The following PDE4D variants were observed in gnomAD, a reference collection of about 807,000 sequenced individuals.
PDE4D encodes the protein phosphodiesterase 4D.
PDE4D carries 24 observed loss-of-function variants against 87.4 expected under a neutral mutation model. That is an observed-to-expected ratio of 0.27 (90% CI 0.20 to 0.39). The LOEUF (loss-of-function observed/expected upper bound fraction) is 0.39, where lower values mean the gene tolerates loss of function less well. PDE4D is among the 10% of genes least tolerant of loss of function. PDE4D has a pLI of 1.00. For synonymous variants in PDE4D, 384 were observed against 383.2 expected (o/e 1.00, Z -0.02); for missense variants, 714 against 1,041.0 (o/e 0.69, Z 4.32).
At chr5:60,090,065 C>T (rs1774967508) in intron 2 of PDE4D, among the ~76,000 whole-genome samples, 1 of 152,076 alleles carries the variant, frequency 6.6e-6, no homozygotes. Context: ...CTGACAGCTT[C>T]ACTGCTGAAT....
At chr5:59,902,715 G>A (rs1003411076) in intron 3 of PDE4D, among the ~76,000 whole-genome samples, 4 of 152,158 alleles carry the variant, frequency 2.6e-5, no homozygotes, top group South Asian at 4.1e-4. Flanking sequence ...ACCAGCAGAA[G>A]AGATGGAAAC....
In PDE4D at chr5:59,294,681, A is replaced by C. The variant is rs569899903; in HGVS notation, c.456-78713T>G. Among the ~76,000 whole-genome samples the C allele has an allele frequency of 3.9e-5, 6 of 152,298 alleles. No individual in the cohort carries two copies. The South Asian group carries it at 1.2e-3, about 32-fold the overall frequency. On this transcript the variant is annotated intron_variant, in intron 1 of 14. Coordinates refer to ENST00000340635, the MANE Select transcript of PDE4D (RefSeq NM_001104631.2). ...GGTAAAATACTTGAAAGAACAATGC[A>C]CGCAGTCACGGACTCAATAGATGTT...
chr5:59,921,084 T>C (rs562270475), intron 3 of PDE4D, among the ~76,000 whole-genome samples: 85 of 152,312 alleles, frequency 5.6e-4, no homozygotes, highest in Non-Finnish European at 7.1e-4. Context: ...ATGCTAAGAA[T>C]AGTACCTGCC....
chr5:59,679,045 G>T (rs1042183130), intron 1 of PDE4D, among the ~76,000 whole-genome samples: 2 of 152,108 alleles, frequency 1.3e-5, no homozygotes, highest in Non-Finnish European at 2.9e-5. Flanking sequence ...AGAAGACTTA[G>T]AGACAGTCTT....
rs148581044 is a variant in PDE4D, at chr5:60,298,464, G to T, written c.-89-112777C>A. ...TATGCAACTGAAAATTACACACAGAGAATATTTAAGTCATGACTATGGAAA... is the reference window on the plus strand; with the variant it reads ...TATGCAACTGAAAATTACACACAGATAATATTTAAGTCATGACTATGGAAA... On this transcript the variant is annotated intron_variant, in intron 1 of 16. Transcript: ENST00000502484. Among the ~76,000 whole-genome samples the T allele has an allele frequency of 9.2e-3, 1,404 of 152,228 alleles. 28 individuals are homozygous for T. Among genetic ancestry groups the T allele is most frequent in the African/African-American group, 0.032 (1,310 of 41,544 alleles).
At chr5:59,493,141 ACT>A (rs1806527103) in intron 1 of PDE4D, among the ~76,000 whole-genome samples, 1 of 152,088 alleles carries the variant, frequency 6.6e-6, no homozygotes, top group Non-Finnish European at 1.5e-5. Flanking sequence ...TTGGTACCAA[ACT>A]CTGAGTTTTT....
intron 1 of PDE4D, among the ~76,000 whole-genome samples, chr5:59,286,230 C>A (rs984348400): frequency 8.5e-5 from 13 of 152,142 alleles, no homozygotes; most frequent in African/African-American, 3.1e-4. Flanking sequence ...TGATTGCTCA[C>A]CATGTGCCAG....
chr5:59,847,959 T>G (rs1217069638), intron 1 of PDE4D, among the ~76,000 whole-genome samples: 1 of 152,120 alleles, frequency 6.6e-6, no homozygotes, highest in African/African-American at 2.4e-5. Flanking sequence ...TATTTCATTA[T>G]GTTTCTTATT....
chr5:59,789,365 C>G (rs528009976), intron 1 of PDE4D, among the ~76,000 whole-genome samples: 1 of 152,180 alleles, frequency 6.6e-6, no homozygotes, highest in Non-Finnish European at 1.5e-5. Context: ...AGGCAATATG[C>G]GTTATGTCAT....
At chr5:59,199,806 G>A (rs776043170) in intron 2 of PDE4D, among the ~76,000 whole-genome samples, 9 of 151,794 alleles carry the variant, frequency 5.9e-5, no homozygotes, top group Non-Finnish European at 1.2e-4. Context: ...AACATATAAT[G>A]TAACCTACTT....
At chr5:59,101,243 C>G (rs1008785842) in intron 5 of PDE4D, among the ~76,000 whole-genome samples, 1 of 152,162 alleles carries the variant, frequency 6.6e-6, no homozygotes, top group Non-Finnish European at 1.5e-5. Flanking sequence ...TGGGACTGCC[C>G]TTTTTCATCC....
chr5:59,929,731 A>G (rs1755685493), intron 3 of PDE4D, among the ~76,000 whole-genome samples: 1 of 152,174 alleles, frequency 6.6e-6, no homozygotes, highest in Non-Finnish European at 1.5e-5. Context: ...TTTCTAACAC[A>G]GCATCTTAAT....
chr5:59,016,423 T>G (rs1189176777), intron 6 of PDE4D, among the ~76,000 whole-genome samples: 2 of 134,186 alleles, frequency 1.5e-5, no homozygotes, highest in African/African-American at 5.5e-5. Context: ...ATGTAGTCCA[T>G]AGGAATCTGC....
rs139551460 is a variant in PDE4D, at chr5:59,665,139, G to C, written c.455+228029C>G. Among the ~76,000 whole-genome samples, 168 of 152,250 alleles carry C rather than the reference G, an allele frequency of 1.1e-3. 4 individuals carry two copies. In the East Asian group the frequency reaches 0.029, roughly 26 times the overall value. ...ACTGATTGTCTTCCTAGGGTCTCCT[G>C]GGGTAGCAACAGTCAATTTGCCACA... is the stretch of plus-strand genomic sequence containing the variant. On this transcript the variant is annotated intron_variant, in intron 1 of 14. Transcript: ENST00000340635.
chr5:59,720,051 C>T lies in PDE4D; in HGVS notation c.455+173117G>A, dbSNP rs1755606612. 2.0e-5 allele frequency among the ~76,000 whole-genome samples: 3 copies of T among 152,264 alleles called. No homozygotes were observed. The South Asian group carries it at 6.2e-4, about 32-fold the overall frequency. On this transcript the variant is annotated intron_variant, in intron 1 of 14. Coordinates refer to ENST00000340635, the MANE Select transcript of PDE4D (RefSeq NM_001104631.2). ...TCTGTAAATGCTATGTTTATTCTCC[C>T]TTCTGAAGCTGTTTCTTCCACTCTG...
At chr5:59,646,472 A>G (rs1366453689) in intron 1 of PDE4D, among the ~76,000 whole-genome samples, 1 of 152,226 alleles carries the variant, frequency 6.6e-6, no homozygotes, top group African/African-American at 2.4e-5. Flanking sequence ...TTGATAAAAC[A>G]ATGTATCTTT....
At position 60,205,160 on chromosome 5, in the gene PDE4D, C is replaced by T. The variant is rs138320270; in HGVS notation, c.-89-19473G>A. On this transcript the variant is annotated intron_variant, in intron 1 of 16. Coordinates refer to the PDE4D transcript ENST00000502484. ...GCTCAAAGGCTAGGTCCGCTGTCAG[C>T]TGCCAGGCCTACTTGAGCCCAGCTT... 5.5e-3 allele frequency among the ~76,000 whole-genome samples: 832 copies of T among 152,278 alleles called. 4 individuals are homozygous for T. Among genetic ancestry groups the T allele is most frequent in the Middle Eastern group, 0.01 (3 of 294 alleles).
rs1448555120 is a variant in PDE4D, at chr5:59,668,751, GAAGA to G, written c.455+224413_455+224416del. On this transcript the variant is annotated intron_variant, in intron 1 of 14. Transcript: ENST00000340635. ...GAAGAAGAAGAAAGAAGAAGAAGAA[GAAGA>G]AAGAAGAAAGAAGAAGAAGAAAGAA... 5.1e-4 allele frequency among the ~76,000 whole-genome samples: 73 copies of G among 142,072 alleles called. 1 individual carries two copies. The highest frequency in any genetic ancestry group is 1.8e-3 in the African/African-American group (65 of 36,154). The allele number at this position is 142,072 out of a possible 152,430, so 93.2% of individuals were successfully genotyped here.
chr5:59,968,509 C>G (rs1019985755), intron 3 of PDE4D, among the ~76,000 whole-genome samples: 2 of 151,980 alleles, frequency 1.3e-5, no homozygotes, highest in African/African-American at 4.8e-5. Context: ...ATATACCATA[C>G]CTAAGCATCA....
Sources: allele counts gnomAD v4.1 joint callset (sites outside exome capture counted in the v4.1 genomes callset), GRCh38; gene constraint gnomAD v4.1.1; transcripts MANE v1.5; gene names NCBI Gene and HGNC (gene_info 2026-07-23, HGNC 2026-07-21).